The following TRIM28 variants were observed in gnomAD, a reference collection of about 807,000 sequenced individuals.
TRIM28 encodes the protein transcription intermediary factor 1-beta.
In TRIM28, 8 loss-of-function variants were observed where a neutral mutation model predicts 87.4. That is an observed-to-expected ratio of 0.09 (90% CI 0.05 to 0.17). The LOEUF is 0.17. Among genes scored for constraint, TRIM28 ranks in the 10% least tolerant of loss-of-function variants. The probability of loss-of-function intolerance (pLI) is 1.00; values close to 1 mark genes in which losing one functional copy is unlikely to be tolerated. For synonymous variants in TRIM28, 601 were observed against 454.3 expected (o/e 1.32, Z -4.11); for missense variants, 968 against 1,131.8 (o/e 0.86, Z 2.08).
In TRIM28 at chr19:58,544,798, C is replaced by G; in HGVS notation, c.41C>G (p.Ser14Trp). The change falls in exon 1 of 17, where the codon TCG (serine) becomes TGG (tryptophan). Residue 14 changes from serine to tryptophan, a missense_variant. Coordinates refer to ENST00000253024, the MANE Select transcript of TRIM28 (RefSeq NM_005762.3). Reference sequence around the variant, plus strand: ...GCGGCAGCCTCGGCAGCAGCGGCCTCGGCCGCCTCTGGCAGCCCGGGCCCG... The same window carrying G: ...GCGGCAGCCTCGGCAGCAGCGGCCTGGGCCGCCTCTGGCAGCCCGGGCCCG... ...SAAAASAAAA[S>W]AASGSPGPGE... 8.3e-7 allele frequency: 1 copy of G among 1,206,050 alleles called. No homozygotes were observed. The highest frequency in any genetic ancestry group is 1.0e-6 in the Non-Finnish European group (1 of 971,662). The allele number at this position is 1,206,050 out of a possible 1,614,324, so 74.7% of individuals were successfully genotyped here.
rs765703343 is a variant in TRIM28, at chr19:58,550,139, G to A, written c.2194-8G>A. On this transcript the variant is annotated splice_region_variant and splice_polypyrimidine_tract_variant and intron_variant, in intron 15 of 16. Transcript: ENST00000253024. ...CTTTGTGTGTGTATGTGTGATCTCT[G>A]CCTGCAGGACCAGCCCGGTGGCACC... 26 of 1,613,680 alleles carry A rather than the reference G, an allele frequency of 1.6e-5. No individual in the cohort carries two copies. The highest frequency in any genetic ancestry group is 4.0e-5 in the African/African-American group (3 of 74,860).
At chr19:58,545,741 C>T (rs2053756141) in intron 2 of TRIM28, 23 bp from the exon 3 acceptor site, 1 of 1,592,744 alleles carries the variant, frequency 6.3e-7, no homozygotes, top group Non-Finnish European at 8.6e-7. Flanking sequence ...CTTGCCTTCT[C>T]TGACCCTGCC....
Position 58,544,475 on chromosome 19 carries a change from CGGGCGAGCG to C in TRIM28, c.-281_-273del, listed in dbSNP as rs1568658143. ...TCGGCTCTTTCTGCGAGCGGGCGCG[CGGGCGAGCG>C]GTTGTGCTTGTGCTTGTGGCGCGTG... On this transcript the variant is annotated 5_prime_UTR_variant, in exon 1 of 17. Transcript: ENST00000253024. 6.6e-6 allele frequency: 1 copy of C among 152,348 alleles called. No homozygotes were observed. Among genetic ancestry groups the C allele is most frequent in the African/African-American group, 2.4e-5 (1 of 41,428 alleles). 9.4% of individuals were successfully genotyped at this position (152,348 alleles called of 1,614,324 possible).
rs185180990 is a variant in TRIM28, at chr19:58,545,197, G to T, written c.340+100G>T. ...ATGCCACCTGGGCGAGAGGATGGGG[G>T]CCCGGACAGGGCACGGGAAATACTT... On this transcript the variant is annotated intron_variant, in intron 1 of 16. Coordinates refer to ENST00000253024, the MANE Select transcript of TRIM28 (RefSeq NM_005762.3). 7.9e-6 allele frequency: 9 copies of T among 1,143,964 alleles called. No homozygotes were observed. In the Admixed American group the frequency reaches 1.9e-4, roughly 24 times the overall value. 70.9% of individuals were successfully genotyped at this position (1,143,964 alleles called of 1,614,324 possible).
At position 58,549,693 on chromosome 19, in the gene TRIM28, G is replaced by A. The variant is rs566502295; in HGVS notation, c.1982+43G>A. 12 of 1,601,136 alleles carry A rather than the reference G, an allele frequency of 7.5e-6. No individual in the cohort carries two copies. Among genetic ancestry groups the A allele is most frequent in the African/African-American group, 2.7e-5 (2 of 74,846 alleles). ...GGGGGTCAAGTCTGGGTGTTGGGCTGTCTGGACAGGATCATGTGCAGACCC... is the reference window on the plus strand; with the variant it reads ...GGGGGTCAAGTCTGGGTGTTGGGCTATCTGGACAGGATCATGTGCAGACCC... On this transcript the variant is annotated intron_variant, in intron 13 of 16. Coordinates refer to ENST00000253024, the MANE Select transcript of TRIM28 (RefSeq NM_005762.3). This position sits in a 1 kb window ranked among gnomAD's most constrained non-coding sequence, Gnocchi z 4.4.
chr19:58,545,145 T>C, intron 1 of TRIM28, 48 bp downstream of exon 1: 4 of 1,367,662 alleles, frequency 2.9e-6, no homozygotes, highest in South Asian at 1.6e-5. Flanking sequence ...TCTCTGCCTT[T>C]GATTCCGACT....
At position 58,549,553 on chromosome 19, in the gene TRIM28, C is replaced by T. The variant is rs201448186; in HGVS notation, c.1885C>T (p.Arg629Cys). 16 of 1,614,092 alleles carry T rather than the reference C, an allele frequency of 9.9e-6. No individual in the cohort carries two copies. The highest frequency in any genetic ancestry group is 2.7e-5 in the African/African-American group (2 of 75,038). The change falls in exon 13 of 17, where the codon CGT becomes TGT. Residue 629 changes from arginine (R) to cysteine (C), a missense_variant. Transcript: ENST00000253024. The surrounding 1 kb of genome is among the most constrained non-coding windows in gnomAD (Gnocchi z 4.4). The stretch of plus-strand genomic sequence containing the variant: ...CCTGGATGACAGTGCCACCATTTGC[C>T]GTGTCTGCCAGAAGCCAGGCGATCT... ...GTLDDSATIC[R>C]VCQKPGDLVM...
At position 58,549,668 on chromosome 19, in the gene TRIM28, G is replaced by A. The variant is rs1394586494; in HGVS notation, c.1982+18G>A. On this transcript the variant is annotated intron_variant, in intron 13 of 16. Transcript: ENST00000253024. The surrounding 1 kb of genome is among the most constrained non-coding windows in gnomAD (Gnocchi z 4.4). ...GTACCAGGGTGAGTGTGAGGCTGGT[G>A]GGGGTCAAGTCTGGGTGTTGGGCTG... The A allele has an allele frequency of 1.9e-6, 3 of 1,605,604 alleles. No individual in the cohort carries two copies. Among genetic ancestry groups the A allele is most frequent in the Non-Finnish European group, 2.6e-6 (3 of 1,173,740 alleles).
intron 3 of TRIM28, 25 bp downstream of exon 3, chr19:58,545,921 T>TG (rs761652568): frequency 5.1e-6 from 8 of 1,576,054 alleles, no homozygotes; most frequent in Middle Eastern, 1.8e-4. Context: ...GGGGGGCTGT[T>TG]GGAGTTGTTC....
At position 58,544,966 on chromosome 19, in the gene TRIM28, A is replaced by C; in HGVS notation, c.209A>C (p.Glu70Ala). Residue 70 changes from glutamate (E) to alanine (A), a missense_variant, in exon 1 of 17, where the codon GAG becomes GCG. This residue lies in a region of TRIM28 where 208 missense variants were observed against 170.9 expected (regional missense o/e 1.22). Transcript: ENST00000253024. ...CTGGAGCACTGCGGCGTGTGCAGAG[A>C]GCGCCTGCGACCCGAGAGGGAGCCC... ...ELLEHCGVCR[E>A]RLRPEREPRL... 6.6e-7 allele frequency: 1 copy of C among 1,511,470 alleles called. No individual in the cohort carries two copies. Among genetic ancestry groups the C allele is most frequent in the Non-Finnish European group, 8.8e-7 (1 of 1,139,486 alleles). 93.6% of individuals were successfully genotyped at this position (1,511,470 alleles called of 1,614,324 possible). A position where few individuals can be genotyped will look rare whatever the true frequency, so the allele number is the denominator to read the frequency against.
In TRIM28 at chr19:58,549,713, A is replaced by G. The variant is rs1600083855; in HGVS notation, c.1983-24A>G. On this transcript the variant is annotated intron_variant, in intron 13 of 16. Transcript: ENST00000253024. The surrounding 1 kb of genome is among the most constrained non-coding windows in gnomAD (Gnocchi z 4.4). ...GGGCTGTCTGGACAGGATCATGTGC[A>G]GACCCTTATTTTCTTCACCCTAGGG... The G allele has an allele frequency of 6.3e-7, 1 of 1,599,320 alleles. No homozygotes were observed. The highest frequency in any genetic ancestry group is 1.3e-5 in the African/African-American group (1 of 74,796).
chr19:58,549,443 T>A lies in TRIM28; in HGVS notation c.1775T>A (p.Leu592Gln). ...AEGPGAEGPR[L>Q]ASPSGSTSSG... The stretch of plus-strand genomic sequence containing the variant: ...GGTCCTGGTGCTGAGGGTCCCCGCC[T>A]GGCCTCACCTAGTGGCAGCACCAGC... The change falls in exon 13 of 17, where the codon CTG becomes CAG. Residue 592 changes from leucine to glutamine, a missense_variant. Around this residue, in one of 11 missense-constraint regions of TRIM28, gnomAD observed 164 missense variants for 146.2 expected, o/e 1.12. Transcript: ENST00000253024. This position sits in a 1 kb window ranked among gnomAD's most constrained non-coding sequence, Gnocchi z 4.4. 1 of 1,609,388 alleles carries A rather than the reference T, an allele frequency of 6.2e-7. No individual in the cohort carries two copies. The highest frequency in any genetic ancestry group is 1.7e-4 in the Middle Eastern group (1 of 6,054).
chr19:58,549,963 A>C lies in TRIM28; in HGVS notation c.2121A>C (p.Val707=), dbSNP rs199534183. The change falls in exon 15 of 17, where the codon GTA becomes GTC. Residue 707 remains valine (V), a synonymous_variant. Transcript: ENST00000253024. This position sits in a 1 kb window ranked among gnomAD's most constrained non-coding sequence, Gnocchi z 4.4. ...AATGTTTGTAGAAATGTGAGCGTGT[A>C]CTGCTGGCCCTATTCTGTCACGAAC... ...SPANQRKCER[V]LLALFCHEPC... 6.2e-7 allele frequency: 1 copy of C among 1,613,902 alleles called. No individual in the cohort carries two copies. Among genetic ancestry groups the C allele is most frequent in the African/African-American group, 1.3e-5 (1 of 74,848 alleles).
chr19:58,544,734 C>A lies in TRIM28; in HGVS notation c.-24C>A. ...CGGGCCCCGCGCCCCTCCTCCCCCC[C>A]TGGGCGCCCCCGGCGGCGTGTGAAT... On this transcript the variant is annotated 5_prime_UTR_variant, in exon 1 of 17. The change creates a new upstream start codon in the 5' untranslated region. Coordinates refer to ENST00000253024, the MANE Select transcript of TRIM28 (RefSeq NM_005762.3). 1 of 1,048,208 alleles carries A rather than the reference C, an allele frequency of 9.5e-7. No homozygotes were observed. The highest frequency in any genetic ancestry group is 1.1e-6 in the Non-Finnish European group (1 of 870,794). 64.9% of individuals were successfully genotyped at this position (1,048,208 alleles called of 1,614,324 possible). A position where few individuals can be genotyped will look rare whatever the true frequency, so the allele number is the denominator to read the frequency against.
chr19:58,550,196 A>G lies in TRIM28; in HGVS notation c.2243A>G (p.Gln748Arg), dbSNP rs1238805548. The G allele has an allele frequency of 6.2e-7, 1 of 1,614,022 alleles. No individual in the cohort carries two copies. The highest frequency in any genetic ancestry group is 2.2e-5 in the East Asian group (1 of 44,876). ...CTGACCCTGATCCGTGCCCGCCTCC[A>G]GGAGAAGTTGTCACCTCCCTACAGC... ...LDLTLIRARL[Q>R]EKLSPPYSSP... Residue 748 changes from glutamine to arginine, a missense_variant, in exon 16 of 17, where the codon CAG (glutamine) becomes CGG (arginine). Transcript: ENST00000253024.
At position 58,544,915 on chromosome 19, in the gene TRIM28, G is replaced by C; in HGVS notation, c.158G>C (p.Gly53Ala). 2 of 1,393,920 alleles carry C rather than the reference G, an allele frequency of 1.4e-6. No individual in the cohort carries two copies. The highest frequency in any genetic ancestry group is 1.8e-6 in the Non-Finnish European group (2 of 1,082,524). 86.3% of individuals were successfully genotyped at this position (1,393,920 alleles called of 1,614,324 possible). A position where few individuals can be genotyped will look rare whatever the true frequency, so the allele number is the denominator to read the frequency against. ...TCAGCCGCGGCGTCGTCGCCCGCGG[G>C]GGGCGGCGCCGAGGCGCTGGAGCTG... ...SASAAASSPA[G>A]GGAEALELLE... is the part of the protein sequence containing the mutation. The change falls in exon 1 of 17, where the codon GGG becomes GCG. Residue 53 changes from glycine (G) to alanine (A), a missense_variant. Coordinates refer to ENST00000253024, the MANE Select transcript of TRIM28 (RefSeq NM_005762.3).
At position 58,548,060 on chromosome 19, in the gene TRIM28, C is replaced by A. The variant is rs1271509128; in HGVS notation, c.981C>A (p.Arg327=). The A allele has an allele frequency of 1.2e-6, 2 of 1,614,048 alleles. No individual in the cohort carries two copies. Among genetic ancestry groups the A allele is most frequent in the African/African-American group, 2.7e-5 (2 of 74,928 alleles). The change falls in exon 7 of 17, where the codon CGC becomes CGA. Residue 327 remains arginine (R), a synonymous_variant. Coordinates refer to ENST00000253024, the MANE Select transcript of TRIM28 (RefSeq NM_005762.3). The stretch of plus-strand genomic sequence containing the variant: ...AGGTGACTGAGGGGCAGCAGGAGCG[C>A]CTGGAGCGGCAGCACTGGACCATGA... The part of the protein sequence containing the change: ...AQKVTEGQQE[R]LERQHWTMTK...
chr19:58,549,810 G>A lies in TRIM28; in HGVS notation c.2056G>A (p.Gly686Ser). ...KEEDGSLSLD[G>S]ADSTGVVAKL... The stretch of plus-strand genomic sequence containing the variant: ...GGAGGATGGCAGCCTCAGCCTGGAT[G>A]GTGCAGACAGCACTGGCGTGGTGGC... The change falls in exon 14 of 17, where the codon GGT (glycine) becomes AGT (serine). Residue 686 changes from glycine to serine, a missense_variant. Gly to Ser is a moderately conservative substitution (Grantham distance 56, BLOSUM62 0). Transcript: ENST00000253024. This position sits in a 1 kb window ranked among gnomAD's most constrained non-coding sequence, Gnocchi z 4.4. The A allele has an allele frequency of 6.2e-7, 1 of 1,612,402 alleles. No individual in the cohort carries two copies. Among genetic ancestry groups the A allele is most frequent in the Non-Finnish European group, 8.5e-7 (1 of 1,178,608 alleles).
rs2053810252 is a variant in TRIM28, at chr19:58,550,682, T to C, written c.*129T>C. On this transcript the variant is annotated 3_prime_UTR_variant, in exon 17 of 17. Coordinates refer to ENST00000253024, the MANE Select transcript of TRIM28 (RefSeq NM_005762.3). ...CCCCAGTTCCTCACGATATGGTTTT[T>C]ACTTCTGTGGATTTAATAAAAACTT... 1 of 966,176 alleles carries C rather than the reference T, an allele frequency of 1.0e-6. No homozygotes were observed. The highest frequency in any genetic ancestry group is 1.5e-6 in the Non-Finnish European group (1 of 669,766). The allele number at this position is 966,176 out of a possible 1,614,324, so 59.9% of individuals were successfully genotyped here.
Sources: allele counts gnomAD v4.1 joint callset, GRCh38; gene constraint gnomAD v4.1.1; regional missense constraint gnomAD v4.1.1; non-coding constraint Gnocchi (gnomAD v3.1); transcripts MANE v1.5; gene names NCBI Gene and HGNC (gene_info 2026-07-23, HGNC 2026-07-21).